The following MLIP variants were observed in gnomAD, a reference collection of about 807,000 sequenced individuals.
MLIP encodes the protein muscular LMNA-interacting protein.
MLIP carries 79 observed loss-of-function variants against 84.8 expected under a neutral mutation model. The ratio of observed to expected loss-of-function variants is 0.93; its 90% CI spans 0.78 to 1.12. The LOEUF (loss-of-function observed/expected upper bound fraction) is 1.12, where lower values mean the gene tolerates loss of function less well. Ranked by LOEUF, MLIP falls within the 50% of genes most tolerant of loss-of-function variation. The pLI is 0.00. For synonymous variants in MLIP, 504 were observed against 463.0 expected (o/e 1.09, Z -1.14); for missense variants, 1,257 against 1,160.6 (o/e 1.08, Z -1.21).
At chr6:54,035,656 T>G (rs1165136683) in intron 1 of MLIP, among the ~76,000 whole-genome samples, 1 of 152,052 alleles carries the variant, frequency 6.6e-6, no homozygotes, top group Non-Finnish European at 1.5e-5. Context: ...GTTTTAGCTA[T>G]TTTAATAGGT....
chr6:54,185,962 C>T (rs567892496), intron 9 of MLIP, among the ~76,000 whole-genome samples: 12 of 152,106 alleles, frequency 7.9e-5, no homozygotes, highest in East Asian at 1.9e-4. Context: ...ATTAGAGAAG[C>T]GGAGCACTTA....
At chr6:54,261,912 A>T (rs1582660603) in intron 13 of MLIP, 2 of 205,934 alleles carry the variant, frequency 9.7e-6, no homozygotes, top group Admixed American at 1.3e-4. Context: ...TTAGGCAAGA[A>T]TTTGGAATCT....
At chr6:54,119,327 G>A (rs529557625) in intron 1 of MLIP, among the ~76,000 whole-genome samples, 2 of 152,308 alleles carry the variant, frequency 1.3e-5, no homozygotes, top group African/African-American at 4.8e-5. Flanking sequence ...AGAAAATGTA[G>A]TACATATACA....
rs190206926 is a variant in MLIP, at chr6:54,123,540, A to G, written c.253-933A>G. Among the ~76,000 whole-genome samples, 54 of 152,318 alleles carry G rather than the reference A, an allele frequency of 3.5e-4. 1 individual carries two copies. Among genetic ancestry groups the G allele is most frequent in the Non-Finnish European group, 7.4e-5 (5 of 68,020 alleles). ...ATCAACTTTTTAGTTATATTTAATCAGTGATTTGACTTCTGTCTTCATACA... is the reference window on the plus strand; with the variant it reads ...ATCAACTTTTTAGTTATATTTAATCGGTGATTTGACTTCTGTCTTCATACA... On this transcript the variant is annotated intron_variant, in intron 2 of 13. Transcript: ENST00000502396.
At chr6:54,262,331 G>A (rs747351968) in intron 13 of MLIP, among the ~76,000 whole-genome samples, 3 of 152,000 alleles carry the variant, frequency 2.0e-5, no homozygotes, top group Non-Finnish European at 4.4e-5. Context: ...CTGCAAAGAC[G>A]AGAAGAAATC....
At chr6:54,206,910 C>A (rs1322969818) in intron 11 of MLIP, among the ~76,000 whole-genome samples, 1 of 152,188 alleles carries the variant, frequency 6.6e-6, no homozygotes, top group Non-Finnish European at 1.5e-5. Context: ...ATTTGTTTCT[C>A]AATCAAGATG....
intron 1 of MLIP, among the ~76,000 whole-genome samples, chr6:54,091,567 G>A (rs1167259236): frequency 6.6e-6 from 1 of 152,156 alleles, no homozygotes; most frequent in Non-Finnish European, 1.5e-5. Flanking sequence ...AGAAGGAAAG[G>A]TGGGTTTTCA....
rs370210049 is a variant in MLIP at position 54,124,466 on chromosome 6, A to G, written c.253-7A>G. ...TCAATGCTTTTATCTCTCTACATCT[A>G]TTACAGTCTAAATCCAATGACTACT... On this transcript the variant is annotated splice_region_variant and splice_polypyrimidine_tract_variant and intron_variant, in intron 2 of 13. Transcript: ENST00000502396. 10 of 1,609,290 alleles carry G rather than the reference A, an allele frequency of 6.2e-6. No homozygotes were observed. In the African/African-American group the frequency reaches 1.2e-4, roughly 19 times the overall value.
chr6:54,022,938 TG>T (rs1285230321), intron 1 of MLIP, among the ~76,000 whole-genome samples: 1 of 151,716 alleles, frequency 6.6e-6, no homozygotes, highest in Non-Finnish European at 1.5e-5. Context: ...GAGGCCGAGG[TG>T]GGCGGATCAC....
chr6:54,241,182 C>G lies in MLIP; in HGVS notation c.2922+10265C>G, dbSNP rs1460857504. On this transcript the variant is annotated intron_variant, in intron 12 of 13. Transcript: ENST00000502396. ...AGAAAATGAACTTTCTTATGAAAAA[C>G]TTTAAAAGAAAAATTATATTGGCAT... Among the ~76,000 whole-genome samples the G allele has an allele frequency of 2.0e-5, 3 of 151,272 alleles. No homozygotes were observed. In the East Asian group the frequency reaches 5.8e-4, roughly 29 times the overall value.
intron 12 of MLIP, among the ~76,000 whole-genome samples, chr6:54,239,608 T>G (rs184224351): frequency 5.3e-4 from 78 of 147,660 alleles, no homozygotes; most frequent in Non-Finnish European, 1.1e-3. Flanking sequence ...TGAAACCCCA[T>G]CTCTACTAAA....
chr6:54,211,421 G>A (rs1277135278), intron 11 of MLIP, among the ~76,000 whole-genome samples: 1 of 152,188 alleles, frequency 6.6e-6, no homozygotes, highest in African/African-American at 2.4e-5. Context: ...GGGCATGGTA[G>A]AGTCAAGCTA....
At chr6:54,085,766 T>A (rs1289376165) in intron 1 of MLIP, among the ~76,000 whole-genome samples, 4 of 152,196 alleles carry the variant, frequency 2.6e-5, no homozygotes, top group African/African-American at 7.2e-5. Context: ...CACACAAGCA[T>A]CTATTCACGC....
At chr6:54,135,733 T>A (rs1771738837) in intron 3 of MLIP, among the ~76,000 whole-genome samples, 1 of 152,140 alleles carries the variant, frequency 6.6e-6, no homozygotes, top group African/African-American at 2.4e-5. Flanking sequence ...CATAATCAAA[T>A]CAATGACTTT....
intron 9 of MLIP, among the ~76,000 whole-genome samples, chr6:54,172,048 G>GTATAGGATAAAGGGAA (rs1775823416): frequency 1.3e-5 from 2 of 151,388 alleles, no homozygotes; most frequent in African/African-American, 2.4e-5. Flanking sequence ...CTACAGAGAA[G>GTATAGGATAAAGGGAA]GTTGAATAAA....
intron 8 of MLIP, among the ~76,000 whole-genome samples, chr6:54,166,495 GA>G (rs369574613): frequency 1.6e-3 from 245 of 151,952 alleles, no homozygotes; most frequent in African/African-American, 5.5e-3. Flanking sequence ...CAGAACTTGA[GA>G]TAGTTGCTCA....
At chr6:54,079,069 T>C (rs1489722978) in intron 1 of MLIP, among the ~76,000 whole-genome samples, 1 of 152,190 alleles carries the variant, frequency 6.6e-6, no homozygotes, top group African/African-American at 2.4e-5. Context: ...ATCCTAAATA[T>C]TTGAAGGGAC....
intron 10 of MLIP, among the ~76,000 whole-genome samples, chr6:54,192,711 C>A (rs1173664527): frequency 2.0e-5 from 3 of 151,688 alleles, no homozygotes; most frequent in African/African-American, 7.3e-5. Flanking sequence ...ATATACACAT[C>A]TTTGTTTATA....
intron 11 of MLIP, among the ~76,000 whole-genome samples, chr6:54,221,944 T>C (rs1780251273): frequency 6.6e-6 from 1 of 152,064 alleles, no homozygotes; most frequent in Non-Finnish European, 1.5e-5. Context: ...ATAACAAAGT[T>C]AGAAAACAAA....
Sources: allele counts gnomAD v4.1 joint callset (sites outside exome capture counted in the v4.1 genomes callset), GRCh38; gene constraint gnomAD v4.1.1; transcripts MANE v1.5; gene names NCBI Gene and HGNC (gene_info 2026-07-23, HGNC 2026-07-21).